Variants in TMED5 observed in about 807,000 individuals in gnomAD.
TMED5 encodes transmembrane emp24 domain-containing protein 5.
Under a neutral mutation model 23.0 loss-of-function variants are expected in TMED5, and 27 were observed. The ratio of observed to expected loss-of-function variants is 1.17; its 90% CI spans 0.86 to 1.62. The LOEUF (loss-of-function observed/expected upper bound fraction) is 1.62. Among genes scored for constraint, TMED5 ranks in the 40% most tolerant of loss-of-function variants. The pLI is 0.00. For missense variants in TMED5, 248 were observed against 273.7 expected (o/e 0.91, Z 0.66); for synonymous variants, 97 against 100.8 (o/e 0.96, Z 0.23).
At position 93,156,502 on chromosome 1, in the gene TMED5, A is replaced by G; in HGVS notation, c.288-19T>C. On this transcript the variant is annotated intron_variant, in intron 2 of 3. Coordinates refer to ENST00000370282, the MANE Select transcript of TMED5 (RefSeq NM_016040.5). ...CTCTACACTGTATAAAAAAAAGTAC[A>G]TGTTTTAAGTTACCTGTATTTCTAT... The G allele has an allele frequency of 1.9e-6, 3 of 1,594,186 alleles. No homozygotes were observed. The highest frequency in any genetic ancestry group is 8.6e-7 in the Non-Finnish European group (1 of 1,164,484).
rs1254668233 is a variant in TMED5 at position 93,154,584 on chromosome 1, G to C, written c.*86C>G. ...TACTTTTATATCTCAAAATATTTTG[G>C]AGAAGACCATTAATGGTCTTGACTG... On this transcript the variant is annotated 3_prime_UTR_variant, in exon 4 of 4. Transcript: ENST00000370282. 2.3e-6 allele frequency: 2 copies of C among 854,666 alleles called. No homozygotes were observed. The highest frequency in any genetic ancestry group is 3.6e-6 in the Non-Finnish European group (2 of 554,626). 52.9% of individuals were successfully genotyped at this position (854,666 alleles called of 1,614,324 possible).
In TMED5 at chr1:93,156,475, G is replaced by C. The variant is rs1214843047; in HGVS notation, c.296C>G (p.Thr99Ser). The change falls in exon 3 of 4, where the codon ACT becomes AGT. Residue 99 changes from threonine to serine, a missense_variant. Coordinates refer to ENST00000370282, the MANE Select transcript of TMED5 (RefSeq NM_016040.5). The part of the protein sequence containing the change: ...RKSDGVHTVE[T>S]EVGDYMFCFD... Reference sequence around the variant, plus strand: ...GCAGAACATGTAATCACCAACTTCAGTCTCTACACTGTATAAAAAAAAGTA... The same window carrying C: ...GCAGAACATGTAATCACCAACTTCACTCTCTACACTGTATAAAAAAAAGTA... 3.1e-6 allele frequency: 5 copies of C among 1,612,682 alleles called. No homozygotes were observed. The highest frequency in any genetic ancestry group is 1.7e-5 in the Admixed American group (1 of 59,986).
At chr1:93,159,964 G>A (rs1648212286) in intron 2 of TMED5, among the ~76,000 whole-genome samples, 165 bp downstream of exon 2, 1 of 152,202 alleles carries the variant, frequency 6.6e-6, no homozygotes, top group South Asian at 2.1e-4. Flanking sequence ...AAGGTTAATG[G>A]AAGATGTTTT....
chr1:93,165,330 G>C (rs1227558042), intron 1 of TMED5, among the ~76,000 whole-genome samples: 3 of 152,158 alleles, frequency 2.0e-5, no homozygotes, highest in African/African-American at 7.2e-5. Flanking sequence ...TAAATGAAGA[G>C]AAAACAATCT....
rs1647934402 is a variant in TMED5 at position 93,153,080 on chromosome 1, T to G, written c.*1590A>C. Reference sequence around the variant, plus strand: ...TGCTCATCAAGAATTCCAGCATTACTAACCTGTTGAGGGGTTCTATACCCC... The same window carrying G: ...TGCTCATCAAGAATTCCAGCATTACGAACCTGTTGAGGGGTTCTATACCCC... On this transcript the variant is annotated 3_prime_UTR_variant, in exon 4 of 4. Coordinates refer to ENST00000370282, the MANE Select transcript of TMED5 (RefSeq NM_016040.5). The G allele has an allele frequency of 6.6e-6, 1 of 152,600 alleles. No homozygotes were observed. The highest frequency in any genetic ancestry group is 2.1e-4 in the South Asian group (1 of 4,836). 9.5% of individuals were successfully genotyped at this position (152,600 alleles called of 1,614,324 possible).
chr1:93,161,396 A>G (rs1023506884), intron 1 of TMED5: 3 of 152,196 alleles, frequency 2.0e-5, no homozygotes, highest in Admixed American at 6.5e-5. Flanking sequence ...ATAATTTTTA[A>G]TAAGTATGCT....
intron 1 of TMED5, chr1:93,163,027 C>T (rs781735804): frequency 6.6e-6 from 1 of 152,190 alleles, no homozygotes; most frequent in Admixed American, 6.5e-5. Flanking sequence ...TATGAAAGTG[C>T]CTGTGAGTAG....
intron 1 of TMED5, chr1:93,161,004 A>G (rs1399936576): frequency 6.6e-6 from 1 of 152,192 alleles, no homozygotes; most frequent in East Asian, 1.9e-4. Flanking sequence ...ACTACTTCCC[A>G]GTATGAATTG....
chr1:93,157,380 GAAT>G (rs1317286939), intron 2 of TMED5, among the ~76,000 whole-genome samples: 1 of 152,116 alleles, frequency 6.6e-6, no homozygotes, highest in Non-Finnish European at 1.5e-5. Context: ...AGAAAAAAAT[GAAT>G]AATATCTGAA....
At chr1:93,158,771 T>G (rs999521204) in intron 2 of TMED5, 1 of 189,388 alleles carries the variant, frequency 5.3e-6, no homozygotes, top group African/African-American at 2.4e-5. Flanking sequence ...TTTCACCATG[T>G]TGGCCAGGAT....
At chr1:93,177,511 AG>A (rs1648957815) in intron 1 of TMED5, among the ~76,000 whole-genome samples, 1 of 143,422 alleles carries the variant, frequency 7.0e-6, no homozygotes, top group Non-Finnish European at 1.5e-5. Flanking sequence ...CGGGAGATGA[AG>A]GTTGCTGTGG....
At chr1:93,159,057 GAC>G (rs1275940060) in intron 2 of TMED5, among the ~76,000 whole-genome samples, 1 of 151,972 alleles carries the variant, frequency 6.6e-6, no homozygotes, top group African/African-American at 2.4e-5. Flanking sequence ...TTATTGTTGA[GAC>G]ATTTTTTTCC....
At chr1:93,175,175 T>TATATATATATATATATATATA (rs1648864062) in intron 1 of TMED5, among the ~76,000 whole-genome samples, 1 of 119,872 alleles carries the variant, frequency 8.3e-6, no homozygotes, top group African/African-American at 4.0e-5. Context: ...TAAAAGCCAT[T>TATATATATATATATATATATA]TATATATATA....
chr1:93,154,688 C>A lies in TMED5; in HGVS notation c.672G>T (p.Lys224Asn). 6.2e-7 allele frequency: 1 copy of A among 1,613,234 alleles called. No homozygotes were observed. The highest frequency in any genetic ancestry group is 8.5e-7 in the Non-Finnish European group (1 of 1,179,830). ...TGGAGTTTTAAGTTCTACTTTTCCTCTTATCTTCAAACAGACTCTTCAGCA... is the reference window on the plus strand; with the variant it reads ...TGGAGTTTTAAGTTCTACTTTTCCTATTATCTTCAAACAGACTCTTCAGCA... ...VYMLKSLFED[K>N]RKSRT The change falls in exon 4 of 4, where the codon AAG (lysine) becomes AAT (asparagine). Residue 224 changes from lysine (K) to asparagine (N), a missense_variant. Transcript: ENST00000370282.
At chr1:93,158,778 G>A in intron 2 of TMED5, 1 of 207,812 alleles carries the variant, frequency 4.8e-6, no homozygotes, top group Non-Finnish European at 8.4e-6. Flanking sequence ...ATGTTGGCCA[G>A]GATGGTCTCA....
rs1229798822 is a variant in TMED5, at chr1:93,154,614, A to C, written c.*56T>G. 1.6e-6 allele frequency: 2 copies of C among 1,239,710 alleles called. No individual in the cohort carries two copies. Among genetic ancestry groups the C allele is most frequent in the African/African-American group, 1.5e-5 (1 of 67,274 alleles). 76.8% of individuals were successfully genotyped at this position (1,239,710 alleles called of 1,614,324 possible). A position where few individuals can be genotyped will look rare whatever the true frequency, so the allele number is the denominator to read the frequency against. ...GACCATTAATGGTCTTGACTGTAAC[A>C]GTTTATTGCATTTTTATGCCTCATT... On this transcript the variant is annotated 3_prime_UTR_variant, in exon 4 of 4. Transcript: ENST00000370282.
chr1:93,159,695 GTACAC>G (rs1006484437), intron 2 of TMED5, among the ~76,000 whole-genome samples: 6 of 151,338 alleles, frequency 4.0e-5, no homozygotes, highest in African/African-American at 1.5e-4. Flanking sequence ...AAAAATTTAC[GTACAC>G]ACAAAGATAT....
intron 1 of TMED5, among the ~76,000 whole-genome samples, chr1:93,174,473 A>G (rs897894215): frequency 1.3e-5 from 2 of 152,180 alleles, no homozygotes; most frequent in African/African-American, 2.4e-5. Flanking sequence ...GTGAGACCCC[A>G]TATCTCTCTT....
At chr1:93,156,986 A>T (rs1648097995) in intron 2 of TMED5, among the ~76,000 whole-genome samples, 1 of 152,178 alleles carries the variant, frequency 6.6e-6, no homozygotes, top group South Asian at 2.1e-4. Flanking sequence ...TTTGGCATTT[A>T]CTCAGTAAAT....
Sources: allele counts gnomAD v4.1 joint callset (sites outside exome capture counted in the v4.1 genomes callset), GRCh38; gene constraint gnomAD v4.1.1; transcripts MANE v1.5; gene names NCBI Gene and HGNC (gene_info 2026-07-23, HGNC 2026-07-21).